PDE1A: variants seen among roughly 807,000 people sequenced by gnomAD.
The protein encoded by PDE1A is dual specificity calcium/calmodulin-dependent 3',5'-cyclic nucleotide phosphodiesterase 1A.
PDE1A carries 35 observed loss-of-function variants against 61.7 expected under a neutral mutation model. The observed-to-expected ratio is 0.57, with a 90% CI of 0.43 to 0.75. The LOEUF is 0.75. Among genes scored for constraint, PDE1A ranks in the 30% least tolerant of loss-of-function variants. The probability of loss-of-function intolerance (pLI) is 0.00; values close to 1 mark genes in which losing one functional copy is unlikely to be tolerated. For missense variants in PDE1A, 597 were observed against 630.6 expected (o/e 0.95, Z 0.57); for synonymous variants, 232 against 213.2 (o/e 1.09, Z -0.77).
the PDE1A span, among the ~76,000 whole-genome samples, chr2:182,706,545 T>A: frequency 6.6e-6 from 1 of 152,062 alleles, no homozygotes; most frequent in East Asian, 1.9e-4. Flanking sequence ...AAAGTAAACT[T>A]TTCTGATTTA....
chr2:182,186,439 A>G, intron 12 of PDE1A, 29 bp downstream of exon 12: 1 of 1,605,182 alleles, frequency 6.2e-7, no homozygotes, highest in Non-Finnish European at 8.5e-7. Flanking sequence ...ACAAAGATGA[A>G]AAATAATGCA....
At chr2:182,493,761 T>A (rs1688542152) in intron 2 of PDE1A, among the ~76,000 whole-genome samples, 1 of 152,170 alleles carries the variant, frequency 6.6e-6, no homozygotes, top group Admixed American at 6.5e-5. Context: ...AAGGATGAGT[T>A]CATGTCCTTT....
intron 13 of PDE1A, among the ~76,000 whole-genome samples, chr2:182,157,513 C>A (rs1691158939): frequency 6.6e-6 from 1 of 152,162 alleles, no homozygotes. Flanking sequence ...AATCAACAAA[C>A]TCTTCAATGC....
chr2:182,284,642 A>G (rs943581000), intron 1 of PDE1A, among the ~76,000 whole-genome samples: 1 of 152,034 alleles, frequency 6.6e-6, no homozygotes, highest in African/African-American at 2.4e-5. Context: ...GATTTCTCCC[A>G]TTTACCTAAG....
At chr2:182,419,786 C>T (rs982376538) in intron 1 of PDE1A, among the ~76,000 whole-genome samples, 3 of 152,116 alleles carry the variant, frequency 2.0e-5, no homozygotes, top group African/African-American at 7.2e-5. Flanking sequence ...TTTTGTTTCG[C>T]ACCTACTACG....
the PDE1A span, among the ~76,000 whole-genome samples, chr2:182,536,071 C>T: frequency 6.6e-6 from 1 of 152,154 alleles, no homozygotes; most frequent in Non-Finnish European, 1.5e-5. Context: ...TACATTATGG[C>T]ATTTGTATGG....
At chr2:182,698,737 G>T in the PDE1A span, among the ~76,000 whole-genome samples, 1 of 151,870 alleles carries the variant, frequency 6.6e-6, no homozygotes, top group Non-Finnish European at 1.5e-5. Context: ...TATTCTTATG[G>T]AAAAAATATT....
the PDE1A span, among the ~76,000 whole-genome samples, chr2:182,704,542 G>T: frequency 2.0e-5 from 3 of 152,136 alleles, no homozygotes; most frequent in Non-Finnish European, 4.4e-5. Flanking sequence ...GTTTATATGT[G>T]CTGTGTCTAC....
chr2:182,580,114 A>T, the PDE1A span, among the ~76,000 whole-genome samples: 6 of 152,212 alleles, frequency 3.9e-5, no homozygotes, highest in Admixed American at 3.9e-4. Flanking sequence ...TGCCTTGCTT[A>T]ACAAGGAATT....
chr2:182,393,812 A>C (rs556928528), intron 1 of PDE1A, among the ~76,000 whole-genome samples: 80 of 152,326 alleles, frequency 5.3e-4, no homozygotes, highest in African/African-American at 1.8e-3. Flanking sequence ...AAAACATAAG[A>C]GTCACCTTTG....
intron 13 of PDE1A, among the ~76,000 whole-genome samples, chr2:182,185,325 C>T (rs951798846): frequency 9.2e-5 from 14 of 152,130 alleles, no homozygotes; most frequent in Non-Finnish European, 2.1e-4. Flanking sequence ...AATACTAACT[C>T]ACAAACCTAC....
At chr2:182,610,899 G>A in the PDE1A span, among the ~76,000 whole-genome samples, 1 of 152,092 alleles carries the variant, frequency 6.6e-6, no homozygotes, top group East Asian at 1.9e-4. Context: ...AGAGAATAAA[G>A]TAAATTATAT....
chr2:182,478,150 T>C (rs1322847281), intron 2 of PDE1A, among the ~76,000 whole-genome samples: 4 of 151,920 alleles, frequency 2.6e-5, no homozygotes, highest in Non-Finnish European at 4.4e-5. Context: ...CTTTGATGAG[T>C]GTTTCTTTTA....
chr2:182,671,234 C>T, the PDE1A span, among the ~76,000 whole-genome samples: 3 of 150,612 alleles, frequency 2.0e-5, no homozygotes, highest in Non-Finnish European at 3.0e-5. Flanking sequence ...TGCAGTGGCG[C>T]GATCTCAGCT....
rs1267205819 is a variant in PDE1A at position 182,516,719 on chromosome 2, A to AGGAAGGAAGGAAGGAAGGAT, written c.101+5556_101+5557insATCCTTCCTTCCTTCCTTCC. On this transcript the variant is annotated intron_variant, in intron 2 of 14. Coordinates refer to the PDE1A transcript ENST00000410103. ...GAGGAAGGGAGGAAGGAAGGAAGGAAGGAAGGAAGGAAGGAAGGAAGGAAA... is the reference window on the plus strand; with the variant it reads ...GAGGAAGGGAGGAAGGAAGGAAGGAAGGAAGGAAGGAAGGAAGGATGGAAGGAAGGAAGGAAGGAAGGAAA... Among the ~76,000 whole-genome samples, 26 of 143,966 alleles carry AGGAAGGAAGGAAGGAAGGAT rather than the reference A, an allele frequency of 1.8e-4. No homozygotes were observed. In the East Asian group the frequency reaches 5.3e-3, roughly 29 times the overall value. 94.4% of individuals were successfully genotyped at this position (143,966 alleles called of 152,430 possible).
At position 182,322,839 on chromosome 2, in the gene PDE1A, G is replaced by A. The variant is rs555314091; in HGVS notation, c.54-58425C>T. Among the ~76,000 whole-genome samples the A allele has an allele frequency of 1.8e-4, 28 of 152,182 alleles. No homozygotes were observed. In the South Asian group the frequency reaches 3.1e-3, roughly 17 times the overall value. ...AGAAAATAAATGATAAAGTAGATAC[G>A]TTAAATGATTTCGCAAAAATAAATA... On this transcript the variant is annotated intron_variant, in intron 1 of 13. Coordinates refer to ENST00000351439, the Ensembl canonical transcript of PDE1A.
At chr2:182,442,998 T>C (rs956653130) in intron 2 of PDE1A, among the ~76,000 whole-genome samples, 1 of 151,960 alleles carries the variant, frequency 6.6e-6, no homozygotes, top group Non-Finnish European at 1.5e-5. Flanking sequence ...TGTGAATATG[T>C]TGAGTAATAA....
At chr2:182,257,378 CATAG>C (rs1387143098) in intron 2 of PDE1A, among the ~76,000 whole-genome samples, 1 of 152,152 alleles carries the variant, frequency 6.6e-6, no homozygotes, top group Non-Finnish European at 1.5e-5. Context: ...GTTTAGTCTA[CATAG>C]ATAGGCTTTA....
the PDE1A span, among the ~76,000 whole-genome samples, chr2:182,552,193 T>G: frequency 1.3e-5 from 2 of 152,220 alleles, no homozygotes; most frequent in South Asian, 4.1e-4. Context: ...TGAGTATCAC[T>G]TCAGTTTTTC....
Sources: gnomAD v4.1 joint callset for allele counts (sites outside exome capture counted in the v4.1 genomes callset) on GRCh38, gnomAD v4.1.1 for gene constraint, MANE v1.5 for transcripts, NCBI Gene and HGNC (gene_info 2026-07-23, HGNC 2026-07-21) for gene names.